The following DNAH11 variants were observed in gnomAD, a reference collection of about 807,000 sequenced individuals.
DNAH11 encodes the protein dynein axonemal heavy chain 11, also known as axonemal beta dynein heavy chain 11.
DNAH11 carries 442 observed loss-of-function variants against 526.0 expected under a neutral mutation model. That is an observed-to-expected ratio of 0.84 (90% CI 0.78 to 0.91). DNAH11 has a LOEUF of 0.91. DNAH11 is among the 40% of genes least tolerant of loss of function. The pLI is 0.00. For synonymous variants in DNAH11, 2,461 were observed against 1,935.9 expected (o/e 1.27, Z -7.12); for missense variants, 6,989 against 5,448.7 (o/e 1.28, Z -8.90).
intron 76 of DNAH11, among the ~76,000 whole-genome samples, chr7:21,884,637 G>C (rs748737069): frequency 1.3e-5 from 2 of 152,134 alleles, no homozygotes; most frequent in Non-Finnish European, 2.9e-5. Flanking sequence ...GTGCTAGAGA[G>C]TGCACCAGCG....
chr7:21,618,971 C>T (rs999340982), intron 23 of DNAH11, 129 bp from the exon 24 acceptor site: 1 of 1,205,790 alleles, frequency 8.3e-7, no homozygotes, highest in Non-Finnish European at 1.2e-6. Flanking sequence ...CCACGTATTT[C>T]AAGACGAGAG....
At chr7:21,566,469 A>G (rs1257025569) in intron 6 of DNAH11, among the ~76,000 whole-genome samples, 1 of 152,190 alleles carries the variant, frequency 6.6e-6, no homozygotes, top group Non-Finnish European at 1.5e-5. Flanking sequence ...TACTACTTTT[A>G]TATAGTTATT....
chr7:21,682,257 T>C (rs539161546), intron 31 of DNAH11, among the ~76,000 whole-genome samples: 75 of 152,322 alleles, frequency 4.9e-4, no homozygotes, highest in African/African-American at 1.8e-3. Flanking sequence ...CCGGGCATGG[T>C]GGCTCACGCC....
At chr7:21,646,816 A>T (rs1787373865) in intron 28 of DNAH11, among the ~76,000 whole-genome samples, 1 of 152,236 alleles carries the variant, frequency 6.6e-6, no homozygotes, top group South Asian at 2.1e-4. Flanking sequence ...AATATCCAAA[A>T]GGATCAAACC....
intron 57 of DNAH11, 115 bp from the exon 58 acceptor site, chr7:21,784,312 C>T: frequency 2.5e-6 from 2 of 807,418 alleles, no homozygotes; most frequent in Non-Finnish European, 4.1e-6. Context: ...CTCACCTGTT[C>T]AAAGTACAGA....
chr7:21,717,959 T>C, intron 43 of DNAH11, 34 bp downstream of exon 43: 1 of 1,586,238 alleles, frequency 6.3e-7, no homozygotes, highest in Non-Finnish European at 8.6e-7. Flanking sequence ...AACGTTCTAG[T>C]TCTGATGCGG....
intron 25 of DNAH11, among the ~76,000 whole-genome samples, chr7:21,633,996 A>T (rs1392847608): frequency 6.6e-6 from 1 of 152,244 alleles, no homozygotes; most frequent in Non-Finnish European, 1.5e-5. Context: ...GTCTGAGCAC[A>T]TGATACATGG....
intron 48 of DNAH11, 32 bp from the exon 49 acceptor site, chr7:21,741,895 C>A: frequency 1.2e-6 from 2 of 1,609,948 alleles, no homozygotes; most frequent in Non-Finnish European, 8.5e-7. Flanking sequence ...CAATTGTAAT[C>A]CTTACACTCT....
At position 21,718,030 on chromosome 7, in the gene DNAH11, C is replaced by G. The variant is rs371575502; in HGVS notation, c.7134+105C>G. The stretch of plus-strand genomic sequence containing the variant: ...CTTGCCCAAGAAAGTGAGAAGATTT[C>G]TGGAATTGTTAGATTGCTGCAACCC... On this transcript the variant is annotated intron_variant, in intron 43 of 81. Coordinates refer to ENST00000409508, the MANE Select transcript of DNAH11 (RefSeq NM_001277115.2). 17 of 1,461,544 alleles carry G rather than the reference C, an allele frequency of 1.2e-5. 1 individual carries two copies. The South Asian group carries it at 2.5e-4, about 22-fold the overall frequency. 90.5% of individuals were successfully genotyped at this position (1,461,544 alleles called of 1,614,324 possible). A position where few individuals can be genotyped will look rare whatever the true frequency, so the allele number is the denominator to read the frequency against.
At chr7:21,773,355 T>C (rs1787520882) in intron 55 of DNAH11, among the ~76,000 whole-genome samples, 2 of 151,738 alleles carry the variant, frequency 1.3e-5, no homozygotes, top group Admixed American at 6.6e-5. Context: ...TTTTTTTTTT[T>C]CAGTGACTTT....
At chr7:21,559,889 T>C (rs1783387404) in intron 4 of DNAH11, 97 bp downstream of exon 4, 1 of 1,048,950 alleles carries the variant, frequency 9.5e-7, no homozygotes, top group Middle Eastern at 2.4e-4. Context: ...TGTCTTTGTA[T>C]AATTTACTGG....
chr7:21,780,454 G>A (rs192538260), intron 57 of DNAH11, among the ~76,000 whole-genome samples: 6 of 152,246 alleles, frequency 3.9e-5, no homozygotes, highest in East Asian at 1.9e-4. Flanking sequence ...TACAGTCACC[G>A]TTAGCTAATT....
At chr7:21,743,014 G>T (rs1785981663) in intron 49 of DNAH11, among the ~76,000 whole-genome samples, 1 of 152,192 alleles carries the variant, frequency 6.6e-6, no homozygotes, top group Admixed American at 6.5e-5. Context: ...AGCAAATCGG[G>T]CAAATGCCCA....
intron 80 of DNAH11, 92 bp from the exon 81 acceptor site, chr7:21,899,887 AT>A: frequency 6.8e-7 from 1 of 1,477,078 alleles, no homozygotes; most frequent in South Asian, 1.3e-5. Context: ...AAAACACCCT[AT>A]GGGACTAAAG....
intron 62 of DNAH11, among the ~76,000 whole-genome samples, chr7:21,803,080 A>G (rs528301903): frequency 2.2e-4 from 33 of 152,220 alleles, no homozygotes; most frequent in Admixed American, 8.5e-4. Context: ...ATTAGAAAGC[A>G]TATAACATAT....
intron 30 of DNAH11, among the ~76,000 whole-genome samples, chr7:21,669,314 G>A (rs1049899582): frequency 6.6e-6 from 1 of 152,070 alleles, no homozygotes; most frequent in African/African-American, 2.4e-5. Flanking sequence ...AAGGACTAGA[G>A]GCAAGCACCA....
intron 5 of DNAH11, 47 bp from the exon 6 acceptor site, chr7:21,564,139 A>G: frequency 2.1e-6 from 3 of 1,450,416 alleles, no homozygotes; most frequent in South Asian, 1.5e-5. Context: ...TTAGAAAAAA[A>G]AAAAAAACAA....
In DNAH11 at chr7:21,705,522, C is replaced by G. The variant is rs1784230399; in HGVS notation, c.6531C>G (p.Gly2177=). ...CGGTCTTTGTAGTTGGAAATGCAGG[C>G]ACAGGAAAGAGTAAGGTATAGTAAA... ...RHSVFVVGNA[G]TGKSKILRTL... is the part of the protein sequence containing the mutation. The change falls in exon 39 of 82, where the codon GGC becomes GGG. Residue 2177 remains glycine (G), a synonymous_variant. Transcript: ENST00000409508. 6.2e-7 allele frequency: 1 copy of G among 1,613,420 alleles called. No homozygotes were observed. The highest frequency in any genetic ancestry group is 1.1e-5 in the South Asian group (1 of 91,072).
At chr7:21,791,171 G>A (rs1032918790) in intron 61 of DNAH11, among the ~76,000 whole-genome samples, 1 of 152,166 alleles carries the variant, frequency 6.6e-6, no homozygotes, top group Non-Finnish European at 1.5e-5. Context: ...TGATGAGGCG[G>A]CACAACCCTG....
Sources: gnomAD v4.1 joint callset for allele counts (sites outside exome capture counted in the v4.1 genomes callset) on GRCh38, gnomAD v4.1.1 for gene constraint, MANE v1.5 for transcripts, NCBI Gene and HGNC (gene_info 2026-07-23, HGNC 2026-07-21) for gene names.